SPINK13: variants seen among roughly 807,000 people sequenced by gnomAD.
The protein encoded by SPINK13 is serine protease inhibitor Kazal-type 13.
In SPINK13, 11 loss-of-function variants were observed where a neutral mutation model predicts 11.0. The ratio of observed to expected loss-of-function variants is 1.00; its 90% confidence interval spans 0.63 to 1.65. The LOEUF (loss-of-function observed/expected upper bound fraction) is 1.65. SPINK13 is among the 40% of genes most tolerant of loss of function. The pLI is 0.00. For synonymous variants in SPINK13, 31 were observed against 35.6 expected (o/e 0.87, Z 0.46); for missense variants, 113 against 117.7 (o/e 0.96, Z 0.19).
chr5:148,270,407 G>A (rs1331023992), intron 2 of SPINK13, among the ~76,000 whole-genome samples: 1 of 151,924 alleles, frequency 6.6e-6, no homozygotes, highest in Non-Finnish European at 1.5e-5. Context: ...TTTATTGTAA[G>A]CAATATACAG....
chr5:148,282,454 C>T (rs947365143), intron 4 of SPINK13, among the ~76,000 whole-genome samples: 1 of 152,092 alleles, frequency 6.6e-6, no homozygotes, highest in African/African-American at 2.4e-5. Flanking sequence ...AAAAGGCTTA[C>T]ATAATGTTCT....
At chr5:148,285,606 T>C (rs1441919922) in intron 4 of SPINK13, among the ~76,000 whole-genome samples, 1 of 152,136 alleles carries the variant, frequency 6.6e-6, no homozygotes, top group Admixed American at 6.5e-5. Flanking sequence ...CTACAATCAA[T>C]GGACAGTGTG....
chr5:148,274,523 G>A (rs1036694779), intron 3 of SPINK13, 139 bp downstream of exon 3: 89 of 644,290 alleles, frequency 1.4e-4, no homozygotes, highest in Non-Finnish European at 2.2e-4. Flanking sequence ...TGAGGCAGGA[G>A]GATCACCTGA....
intron 3 of SPINK13, among the ~76,000 whole-genome samples, chr5:148,275,643 T>C (rs1756415504): frequency 6.6e-6 from 1 of 151,736 alleles, no homozygotes; most frequent in Non-Finnish European, 1.5e-5. Flanking sequence ...CTCTCCAGCA[T>C]CTGTTGTTTC....
At chr5:148,269,995 G>A in intron 1 of SPINK13, 45 bp from the exon 2 acceptor site, 2 of 1,402,204 alleles carry the variant, frequency 1.4e-6, no homozygotes, top group South Asian at 1.2e-5. Context: ...CATTGGAAAA[G>A]CTAGCTGTGG....
rs1027181452 is a variant in SPINK13 at position 148,268,823 on chromosome 5, C to T, written c.-99C>T. 1 of 152,664 alleles carries T rather than the reference C, an allele frequency of 6.6e-6. No individual in the cohort carries two copies. Among genetic ancestry groups the T allele is most frequent in the Non-Finnish European group, 1.5e-5 (1 of 68,338 alleles). 9.5% of individuals were successfully genotyped at this position (152,664 alleles called of 1,614,324 possible). On this transcript the variant is annotated 5_prime_UTR_variant, in exon 1 of 5. Transcript: ENST00000398450. ...GTGACAGACTCCTGGAACAGCAGCT[C>T]TTCTCAAGGCTAGTTGTGACATCCA...
At position 148,277,019 on chromosome 5, in the gene SPINK13, T is replaced by G. The variant is rs186594690; in HGVS notation, c.108+2635T>G. Among the ~76,000 whole-genome samples, 107 of 152,306 alleles carry G rather than the reference T, an allele frequency of 7.0e-4. 1 individual carries two copies. The highest frequency in any genetic ancestry group is 1.3e-3 in the Non-Finnish European group (86 of 68,026). On this transcript the variant is annotated intron_variant, in intron 3 of 4. Transcript: ENST00000398450. ...CCCTTGTAAGTTGTATTCCTAGGTA[T>G]TTTATTCTCTTTTTAGCAATTGTGA...
chr5:148,273,577 C>CT (rs1159336819), intron 2 of SPINK13, among the ~76,000 whole-genome samples: 2 of 152,020 alleles, frequency 1.3e-5, no homozygotes, highest in African/African-American at 2.4e-5. Context: ...AGCATTCTAT[C>CT]TTTTTTGTTC....
intron 3 of SPINK13, among the ~76,000 whole-genome samples, chr5:148,278,980 G>T (rs1445170388): frequency 6.6e-6 from 1 of 151,724 alleles, no homozygotes; most frequent in African/African-American, 2.4e-5. Context: ...AGGATAGTTA[G>T]CTCTTCTTGT....
intron 3 of SPINK13, among the ~76,000 whole-genome samples, chr5:148,278,266 G>A (rs974468448): frequency 6.6e-6 from 1 of 151,748 alleles, no homozygotes; most frequent in African/African-American, 2.4e-5. Context: ...AGTCTCTATC[G>A]CCTTCAGTTC....
intron 2 of SPINK13, 128 bp downstream of exon 2, chr5:148,270,270 G>A (rs1756331114): frequency 1.6e-5 from 13 of 815,266 alleles, no homozygotes; most frequent in South Asian, 1.8e-5. Context: ...GTCCAAACTG[G>A]GTATAATTAA....
Position 148,272,097 on chromosome 5 carries a change from C to A in SPINK13, c.70+1955C>A, listed in dbSNP as rs141087991. On this transcript the variant is annotated intron_variant, in intron 2 of 4. Coordinates refer to ENST00000398450, the MANE Select transcript of SPINK13 (RefSeq NM_001040129.3). The stretch of plus-strand genomic sequence containing the variant: ...AATAATATCCCAATGTGCGACCATA[C>A]CCTAATTTCATTACTCTTTTGTTGA... Among the ~76,000 whole-genome samples, 376 of 152,212 alleles carry A rather than the reference C, an allele frequency of 2.5e-3. 3 individuals carry two copies. The highest frequency in any genetic ancestry group is 8.6e-3 in the African/African-American group (358 of 41,530).
chr5:148,277,094 T>C (rs1321156417), intron 3 of SPINK13, among the ~76,000 whole-genome samples: 4 of 152,180 alleles, frequency 2.6e-5, no homozygotes, highest in Non-Finnish European at 4.4e-5. Flanking sequence ...TATTGGTGTA[T>C]AGGAATGCTT....
intron 2 of SPINK13, among the ~76,000 whole-genome samples, chr5:148,272,203 C>T (rs1447655920): frequency 1.3e-5 from 2 of 151,982 alleles, no homozygotes; most frequent in South Asian, 2.1e-4. Flanking sequence ...TTTTGATGCA[C>T]GTGAACGAGA....
intron 3 of SPINK13, among the ~76,000 whole-genome samples, chr5:148,277,031 T>C (rs992652168): frequency 1.3e-5 from 2 of 152,322 alleles, no homozygotes; most frequent in East Asian, 1.9e-4. Context: ...TTATTCTCTT[T>C]TTAGCAATTG....
At chr5:148,271,101 T>A (rs1423978766) in intron 2 of SPINK13, among the ~76,000 whole-genome samples, 1 of 152,230 alleles carries the variant, frequency 6.6e-6, no homozygotes, top group East Asian at 1.9e-4. Flanking sequence ...TACAGATTAG[T>A]AAAGCAGACA....
intron 3 of SPINK13, among the ~76,000 whole-genome samples, chr5:148,280,920 T>C (rs936183963): frequency 1.3e-5 from 2 of 152,168 alleles, no homozygotes; most frequent in Admixed American, 1.3e-4. Flanking sequence ...CCTAGGGAGA[T>C]GGAAGTTTTA....
In SPINK13 at chr5:148,282,693, C is replaced by G. The variant is rs549668102; in HGVS notation, c.236+462C>G. ...ATAAACATAGATGCAGGTATAGATA[C>G]ACACACGAGTAGCAAAGGGTGGTCT... On this transcript the variant is annotated intron_variant, in intron 4 of 4. Coordinates refer to ENST00000398450, the MANE Select transcript of SPINK13 (RefSeq NM_001040129.3). 5.9e-4 allele frequency among the ~76,000 whole-genome samples: 90 copies of G among 152,322 alleles called. 1 individual carries two copies. Among genetic ancestry groups the G allele is most frequent in the African/African-American group, 2.0e-3 (85 of 41,578 alleles).
intron 3 of SPINK13, among the ~76,000 whole-genome samples, chr5:148,279,091 CTTTTTTTTTTTTTTT>C (rs746029113): frequency 1.9e-5 from 1 of 51,656 alleles, no homozygotes; most frequent in Non-Finnish European, 3.6e-5. Context: ...GCAACCCCTG[CTTTTTTTTTTTTTTT>C]TTTTTTTTTT....
Sources: allele counts gnomAD v4.1 joint callset (sites outside exome capture counted in the v4.1 genomes callset), GRCh38; gene constraint gnomAD v4.1.1; transcripts MANE v1.5; gene names NCBI Gene and HGNC (gene_info 2026-07-23, HGNC 2026-07-21).